Variants in PPP1R14C observed in about 807,000 individuals in gnomAD.
The protein encoded by PPP1R14C is protein phosphatase 1 regulatory subunit 14C.
PPP1R14C carries 16 observed loss-of-function variants against 20.4 expected under a neutral mutation model. The observed-to-expected ratio is 0.78, with a 90% CI of 0.53 to 1.19. The LOEUF is 1.19. Among genes scored for constraint, PPP1R14C ranks in the 50% most tolerant of loss-of-function variants. PPP1R14C has a pLI of 0.00. For synonymous variants in PPP1R14C, 91 were observed against 91.0 expected, an observed-to-expected ratio of 1.00 and a Z score of 0.00; for missense variants, 211 against 220.1, an observed-to-expected ratio of 0.96 and a Z score of 0.26.
At chr6:150,173,729 A>T (rs985578497) in intron 1 of PPP1R14C, among the ~76,000 whole-genome samples, 1 of 152,158 alleles carries the variant, frequency 6.6e-6, no homozygotes, top group Non-Finnish European at 1.5e-5. Context: ...GATGCCAGCC[A>T]GCGCTAGGAA....
intron 3 of PPP1R14C, among the ~76,000 whole-genome samples, chr6:150,235,540 A>G (rs1582932229): frequency 6.6e-6 from 1 of 152,340 alleles, no homozygotes; most frequent in Middle Eastern, 3.4e-3. Context: ...AAAAGGAAAA[A>G]TAGGGGTCCT....
At chr6:150,175,573 G>A (rs1048564494) in intron 1 of PPP1R14C, among the ~76,000 whole-genome samples, 1 of 152,168 alleles carries the variant, frequency 6.6e-6, no homozygotes, top group African/African-American at 2.4e-5. Flanking sequence ...GAACTCTTGA[G>A]CATGGGGCTG....
intron 1 of PPP1R14C, chr6:150,195,656 T>C (rs999194760): frequency 2.6e-5 from 5 of 192,808 alleles, no homozygotes; most frequent in Non-Finnish European, 4.7e-5. Flanking sequence ...TTTGTTTTTT[T>C]ATTGTTGTAA....
intron 1 of PPP1R14C, among the ~76,000 whole-genome samples, chr6:150,180,236 T>G (rs1435120532): frequency 6.6e-6 from 1 of 152,162 alleles, no homozygotes; most frequent in Non-Finnish European, 1.5e-5. Context: ...TTAACTGAGA[T>G]GATTCATGCA....
intron 1 of PPP1R14C, among the ~76,000 whole-genome samples, chr6:150,199,843 T>C (rs1394181139): frequency 2.0e-5 from 3 of 148,946 alleles, no homozygotes; most frequent in Admixed American, 1.4e-4. Flanking sequence ...TATTATAGCC[T>C]GGGTGACAGA....
chr6:150,227,726 T>G (rs965061142), intron 3 of PPP1R14C, among the ~76,000 whole-genome samples: 1 of 152,220 alleles, frequency 6.6e-6, no homozygotes, highest in Non-Finnish European at 1.5e-5. Context: ...AGAACAATGT[T>G]TCTGAATAGA....
chr6:150,240,408 G>A (rs1436208878), intron 3 of PPP1R14C, among the ~76,000 whole-genome samples: 1 of 152,208 alleles, frequency 6.6e-6, no homozygotes, highest in Non-Finnish European at 1.5e-5. Flanking sequence ...ACGAAGGTAC[G>A]CCCCACAGAC....
At chr6:150,207,993 A>C (rs546879023) in intron 1 of PPP1R14C, among the ~76,000 whole-genome samples, 3 of 152,266 alleles carry the variant, frequency 2.0e-5, no homozygotes, top group African/African-American at 7.2e-5. Flanking sequence ...CAAGCGCTTG[A>C]AAAAAGAGAT....
chr6:150,162,518 ACTTG>A (rs1428384563), intron 1 of PPP1R14C, among the ~76,000 whole-genome samples: 3 of 104,512 alleles, frequency 2.9e-5, no homozygotes, highest in African/African-American at 1.0e-4. Context: ...TTTTTTTGTG[ACTTG>A]ATAGCTCCAT....
chr6:150,213,442 C>T (rs1778053102), intron 1 of PPP1R14C, among the ~76,000 whole-genome samples: 1 of 152,096 alleles, frequency 6.6e-6, no homozygotes, highest in Non-Finnish European at 1.5e-5. Context: ...TTCAGAAAGT[C>T]AGCCTCTTCT....
chr6:150,237,800 G>C (rs1387622613), intron 3 of PPP1R14C, among the ~76,000 whole-genome samples: 2 of 152,174 alleles, frequency 1.3e-5, no homozygotes, highest in Non-Finnish European at 2.9e-5. Context: ...TCTGACTCTA[G>C]AGTCCCTCTC....
At chr6:150,179,753 A>G (rs1035356776) in intron 1 of PPP1R14C, among the ~76,000 whole-genome samples, 12 of 152,174 alleles carry the variant, frequency 7.9e-5, no homozygotes, top group Non-Finnish European at 8.8e-5. Context: ...ATATCCATGC[A>G]TAGAATGAGT....
intron 1 of PPP1R14C, among the ~76,000 whole-genome samples, chr6:150,208,836 G>A (rs963090365): frequency 6.6e-6 from 1 of 152,100 alleles, no homozygotes; most frequent in Non-Finnish European, 1.5e-5. Flanking sequence ...CCGGCACAGC[G>A]TGGTTATAGC....
At position 150,145,695 on chromosome 6, in the gene PPP1R14C, A is replaced by G. The variant is rs75391859; in HGVS notation, c.306+2197A>G. On this transcript the variant is annotated intron_variant, in intron 1 of 3. Transcript: ENST00000361131. The stretch of plus-strand genomic sequence containing the variant: ...AATCAAGAAGGACGCACCCTAGCTT[A>G]CAGCTCCGAACTTCATGCATACGAA... 2.8e-4 allele frequency among the ~76,000 whole-genome samples: 42 copies of G among 152,334 alleles called. No individual in the cohort carries two copies. In the East Asian group the frequency reaches 5.4e-3, roughly 20 times the overall value.
intron 1 of PPP1R14C, among the ~76,000 whole-genome samples, chr6:150,198,843 G>T (rs988176554): frequency 6.6e-6 from 1 of 152,174 alleles, no homozygotes; most frequent in East Asian, 1.9e-4. Flanking sequence ...CCTGCCAAGT[G>T]GTAGTTCTTA....
chr6:150,224,637 C>T (rs1307522182), intron 3 of PPP1R14C, among the ~76,000 whole-genome samples: 1 of 152,130 alleles, frequency 6.6e-6, no homozygotes, highest in East Asian at 1.9e-4. Flanking sequence ...CATCTCTCTA[C>T]TTACATTCCC....
At chr6:150,213,376 CACACAA>C (rs1353750623) in intron 1 of PPP1R14C, among the ~76,000 whole-genome samples, 1 of 147,588 alleles carries the variant, frequency 6.8e-6, no homozygotes, top group African/African-American at 2.6e-5. Context: ...CACACACACA[CACACAA>C]GAGGTTGAGT....
At chr6:150,213,403 A>C (rs1183843144) in intron 1 of PPP1R14C, among the ~76,000 whole-genome samples, 1 of 151,998 alleles carries the variant, frequency 6.6e-6, no homozygotes, top group Non-Finnish European at 1.5e-5. Flanking sequence ...ACTATTACTG[A>C]ATAAATGCAC....
intron 3 of PPP1R14C, among the ~76,000 whole-genome samples, chr6:150,225,726 A>G (rs1308685800): frequency 6.6e-6 from 1 of 152,236 alleles, no homozygotes; most frequent in Non-Finnish European, 1.5e-5. Flanking sequence ...TGAGGCATAG[A>G]AGTGTTCTGT....
Sources: allele counts gnomAD v4.1 joint callset (sites outside exome capture counted in the v4.1 genomes callset), GRCh38; gene constraint gnomAD v4.1.1; transcripts MANE v1.5; gene names NCBI Gene and HGNC (gene_info 2026-07-23, HGNC 2026-07-21).